AKAP13: variants seen among roughly 807,000 people sequenced by gnomAD.
AKAP13 encodes A-kinase anchor protein 13.
Under a neutral mutation model 264.5 loss-of-function variants are expected in AKAP13, and 80 were observed. The observed-to-expected ratio is 0.30, with a 90% CI of 0.25 to 0.36. The LOEUF (loss-of-function observed/expected upper bound fraction) is 0.36. AKAP13 is among the 10% of genes least tolerant of loss of function. The probability of loss-of-function intolerance (pLI) is 1.00; values close to 1 mark genes in which losing one functional copy is unlikely to be tolerated. For missense variants in AKAP13, 3,712 were observed against 3,435.2 expected (o/e 1.08, Z -2.01); for synonymous variants, 1,380 against 1,250.2 (o/e 1.10, Z -2.19).
At chr15:85,556,974 C>T (rs753819336) in intron 5 of AKAP13, among the ~76,000 whole-genome samples, 1 of 152,166 alleles carries the variant, frequency 6.6e-6, no homozygotes, top group South Asian at 2.1e-4. Flanking sequence ...TTGCTGTAAA[C>T]GTCTTCTGGG....
intron 11 of AKAP13, among the ~76,000 whole-genome samples, chr15:85,658,296 G>A (rs773064554): frequency 6.6e-6 from 1 of 152,128 alleles, no homozygotes; most frequent in Admixed American, 6.5e-5. Flanking sequence ...AATAAACTTT[G>A]TAACTTTTGC....
chr15:85,647,464 C>T (rs1486910285), intron 10 of AKAP13, among the ~76,000 whole-genome samples: 3 of 150,710 alleles, frequency 2.0e-5, no homozygotes, highest in African/African-American at 7.3e-5. Flanking sequence ...GAATCAGGAG[C>T]ATATCAGTGC....
chr15:85,645,089 C>T (rs1257357662), intron 9 of AKAP13, among the ~76,000 whole-genome samples: 5 of 152,176 alleles, frequency 3.3e-5, no homozygotes, highest in Non-Finnish European at 7.3e-5. Context: ...CACCGTAGTA[C>T]AGCCTGAGCA....
chr15:85,601,646 G>GTGTGTGTGTGTGTGTGTGTT (rs1366873236), intron 8 of AKAP13, among the ~76,000 whole-genome samples: 1 of 150,710 alleles, frequency 6.6e-6, no homozygotes, highest in Non-Finnish European at 1.5e-5. Flanking sequence ...GTGTGTGTGT[G>GTGTGTGTGTGTGTGTGTGTT]TGTTTTTCTT....
At chr15:85,644,960 T>G (rs1242619967) in intron 9 of AKAP13, among the ~76,000 whole-genome samples, 1 of 152,168 alleles carries the variant, frequency 6.6e-6, no homozygotes, top group Non-Finnish European at 1.5e-5. Flanking sequence ...AAACCCCATC[T>G]TTACAAAAAA....
chr15:85,656,568 TC>T (rs1255607733), intron 11 of AKAP13, among the ~76,000 whole-genome samples: 4 of 152,156 alleles, frequency 2.6e-5, no homozygotes, highest in African/African-American at 9.7e-5. Context: ...TGCCTCAGTC[TC>T]CCAAGTAGCT....
At position 85,717,875 on chromosome 15, in the gene AKAP13, A is replaced by T. The variant is rs2087045207; in HGVS notation, c.5849-132A>T. The stretch of plus-strand genomic sequence containing the variant: ...ATATTGATTTTTTTCTGGTACTAGA[A>T]TATGATCTCTGTGAATATCCCCTGT... On this transcript the variant is annotated intron_variant, in intron 21 of 36. Coordinates refer to ENST00000394518, the MANE Select transcript of AKAP13 (RefSeq NM_007200.5). 3.5e-6 allele frequency: 3 copies of T among 865,100 alleles called. No individual in the cohort carries two copies. The East Asian group carries it at 7.9e-5, about 23-fold the overall frequency. The allele number at this position is 865,100 out of a possible 1,614,324, so 53.6% of individuals were successfully genotyped here.
chr15:85,544,990 A>G (rs1378188026), intron 5 of AKAP13, among the ~76,000 whole-genome samples: 1 of 152,254 alleles, frequency 6.6e-6, no homozygotes, highest in East Asian at 1.9e-4. Flanking sequence ...TTATGTAAAC[A>G]GCTTTTTCTT....
At chr15:85,546,327 C>T (rs761580781) in intron 5 of AKAP13, among the ~76,000 whole-genome samples, 2,295 of 145,502 alleles carry the variant, frequency 0.016, 27 homozygotes, top group Non-Finnish European at 0.023. Flanking sequence ...ACCAAACACA[C>T]ACACACACAC....
At chr15:85,740,727 C>A (rs191090647) in intron 34 of AKAP13, among the ~76,000 whole-genome samples, 1,576 of 147,200 alleles carry the variant, frequency 0.011, 29 homozygotes, top group African/African-American at 0.036. Flanking sequence ...ACTTCCAACA[C>A]ACACACACAC....
chr15:85,562,431 G>A (rs2151266848), intron 5 of AKAP13, among the ~76,000 whole-genome samples: 1 of 151,160 alleles, frequency 6.6e-6, no homozygotes, highest in Admixed American at 6.6e-5. Flanking sequence ...TGGGCGTGGT[G>A]GCAAGCGCCT....
rs147365611 is a variant in AKAP13 at position 85,402,141 on chromosome 15, A to G, written c.-12+21343A>G. 4.1e-3 allele frequency among the ~76,000 whole-genome samples: 619 copies of G among 152,308 alleles called. 3 individuals are homozygous for G. The highest frequency in any genetic ancestry group is 0.014 in the African/African-American group (594 of 41,572). ...TTTGGTTCTTTGTTGTGTTTTCCCC[A>G]AAAAGTATCCTCAAGTCCTGGAGAT... is the stretch of plus-strand genomic sequence containing the variant. On this transcript the variant is annotated intron_variant, in intron 1 of 36. Transcript: ENST00000394518.
chr15:85,743,465 G>GA (rs1315661795), intron 35 of AKAP13, 27 bp from the exon 36 acceptor site: 1 of 1,599,656 alleles, frequency 6.3e-7, no homozygotes, highest in Non-Finnish European at 8.5e-7. Flanking sequence ...GCCTCCAAGT[G>GA]AAAACCCTTC....
At chr15:85,566,784 A>G (rs1488170980) in intron 5 of AKAP13, among the ~76,000 whole-genome samples, 1 of 151,480 alleles carries the variant, frequency 6.6e-6, no homozygotes, top group East Asian at 1.9e-4. Context: ...GTGCCACCAC[A>G]CCCGGCTAAT....
chr15:85,735,208 C>T, intron 31 of AKAP13, 58 bp downstream of exon 31: 1 of 1,568,458 alleles, frequency 6.4e-7, no homozygotes, highest in Non-Finnish European at 8.6e-7. Flanking sequence ...TCACACAACT[C>T]AAAATGACTT....
chr15:85,662,023 G>A (rs2083376615), intron 12 of AKAP13, among the ~76,000 whole-genome samples: 1 of 152,042 alleles, frequency 6.6e-6, no homozygotes, highest in Non-Finnish European at 1.5e-5. Context: ...AGTATGCGAT[G>A]TACTGAGAGA....
chr15:85,448,581 T>C (rs541380587), intron 1 of AKAP13, among the ~76,000 whole-genome samples: 1 of 152,192 alleles, frequency 6.6e-6, no homozygotes, highest in African/African-American at 2.4e-5. Flanking sequence ...AACTTGTACA[T>C]ATGGTTAGCC....
chr15:85,659,202 C>A (rs2083229686), intron 12 of AKAP13, among the ~76,000 whole-genome samples: 1 of 152,140 alleles, frequency 6.6e-6, no homozygotes, highest in Non-Finnish European at 1.5e-5. Flanking sequence ...GATTTATAAG[C>A]TGAGAAGTAA....
At chr15:85,477,459 G>C (rs1479806554) in intron 1 of AKAP13, among the ~76,000 whole-genome samples, 2 of 152,012 alleles carry the variant, frequency 1.3e-5, no homozygotes, top group Non-Finnish European at 1.5e-5. Flanking sequence ...CTGCACCTCA[G>C]GGAAGTCATG....
Sources: gnomAD v4.1 joint callset for allele counts (sites outside exome capture counted in the v4.1 genomes callset) on GRCh38, gnomAD v4.1.1 for gene constraint, MANE v1.5 for transcripts, NCBI Gene and HGNC (gene_info 2026-07-23, HGNC 2026-07-21) for gene names.